The following TRIM55 variants were observed in gnomAD, a reference collection of about 807,000 sequenced individuals.
TRIM55 encodes the protein tripartite motif-containing protein 55.
A neutral mutation model predicts 60.9 loss-of-function variants in TRIM55; 50 were observed. The ratio of observed to expected loss-of-function variants is 0.82; its 90% confidence interval spans 0.65 to 1.04. The LOEUF (loss-of-function observed/expected upper bound fraction) is 1.04. Ranked by LOEUF, TRIM55 falls within the 50% of genes least tolerant of loss-of-function variation. The pLI is 0.00. For missense variants in TRIM55, 681 were observed against 666.9 expected (o/e 1.02, Z -0.23); for synonymous variants, 237 against 238.1 (o/e 1.00, Z 0.04).
intron 1 of TRIM55, 47 bp from the exon 2 acceptor site, chr8:66,128,257 T>A (rs368217551): frequency 4.1e-5 from 62 of 1,509,172 alleles, no homozygotes; most frequent in Non-Finnish European, 5.4e-5. Flanking sequence ...TCAGAGAAGC[T>A]GCTTGTGGCA....
At chr8:66,128,580 ACTGTTTTATGG>A in intron 2 of TRIM55, 104 bp downstream of exon 2, 1 of 1,285,736 alleles carries the variant, frequency 7.8e-7, no homozygotes, top group Admixed American at 2.4e-5. Flanking sequence ...TCAATCACAG[ACTGTTTTATGG>A]AAAAATGGTT....
the TRIM55 span, chr8:66,115,032 C>T: frequency 6.5e-6 from 1 of 154,432 alleles, no homozygotes; most frequent in African/African-American, 2.4e-5. Context: ...GCACAGAACA[C>T]AAAGACTTTT....
intron 4 of TRIM55, among the ~76,000 whole-genome samples, chr8:66,138,993 A>G (rs1294159886): frequency 6.6e-6 from 1 of 152,192 alleles, no homozygotes; most frequent in African/African-American, 2.4e-5. Flanking sequence ...ATTAAAATCA[A>G]TCTCGTTTCT....
chr8:66,164,081 G>A (rs564955756), intron 9 of TRIM55, among the ~76,000 whole-genome samples: 1 of 152,132 alleles, frequency 6.6e-6, no homozygotes, highest in South Asian at 2.1e-4. Context: ...GGTAGAGAGA[G>A]GGTCCTCATT....
Position 66,160,794 on chromosome 8 carries a change from C to G in TRIM55, c.1524+6460C>G, listed in dbSNP as rs561702617. 2.7e-5 allele frequency among the ~76,000 whole-genome samples: 4 copies of G among 150,898 alleles called. No homozygotes were observed. In the East Asian group the frequency reaches 5.8e-4, roughly 22 times the overall value. ...GTGAGGTTGAGCATTTTTCTGTACG[C>G]TTGTTGGCCATTTGTATATCTTCTT... On this transcript the variant is annotated intron_variant, in intron 9 of 9. Transcript: ENST00000315962.
chr8:66,150,599 AATGTGAAGCTCT>A (rs1337932679), intron 7 of TRIM55, 133 bp downstream of exon 7: 2 of 1,011,134 alleles, frequency 2.0e-6, no homozygotes, highest in African/African-American at 3.2e-5. Context: ...GATCATATCC[AATGTGAAGCTCT>A]ATTTCATTAC....
chr8:66,128,431 T>C lies in TRIM55; in HGVS notation c.296T>C (p.Leu99Pro). ...RHGVYGLQRN[L>P]LVENIIDIYK... ...GGGGTATATGGACTTCAGAGGAACC[T>C]GCTGGTGGAAAATATCATTGACATC... The change falls in exon 2 of 10, where the codon CTG (leucine) becomes CCG (proline). Residue 99 changes from leucine to proline, a missense_variant. By Grantham distance (98) the Leu-to-Pro change is moderately conservative (BLOSUM62 -3). Coordinates refer to ENST00000315962, the MANE Select transcript of TRIM55 (RefSeq NM_184085.2). The C allele has an allele frequency of 6.2e-7, 1 of 1,613,862 alleles. No homozygotes were observed. Among genetic ancestry groups the C allele is most frequent in the Non-Finnish European group, 8.5e-7 (1 of 1,179,886 alleles).
At position 66,159,822 on chromosome 8, in the gene TRIM55, T is replaced by G. The variant is rs574550274; in HGVS notation, c.1524+5488T>G. Among the ~76,000 whole-genome samples the G allele has an allele frequency of 4.6e-5, 7 of 152,348 alleles. No homozygotes were observed. The South Asian group carries it at 1.5e-3, about 32-fold the overall frequency. On this transcript the variant is annotated intron_variant, in intron 9 of 9. Transcript: ENST00000315962. ...GGTTAGCACCTTTTCTTGTGCTTAT[T>G]GGTCATCTTTATATTTTCTTTGGTG...
chr8:66,149,990 T>A, intron 5 of TRIM55, 112 bp downstream of exon 5: 1 of 991,058 alleles, frequency 1.0e-6, no homozygotes, highest in Non-Finnish European at 1.5e-6. Flanking sequence ...TTTTACCAAC[T>A]AAAATATAAA....
At chr8:66,122,147 G>A (rs866764787), upstream of TRIM55, among the ~76,000 whole-genome samples, 1 of 152,170 alleles carries the variant, frequency 6.6e-6, no homozygotes, top group South Asian at 2.1e-4. Context: ...ATGTTGGGAA[G>A]GGAAAATAAA....
chr8:66,171,048 A>T (rs1200682470), intron 9 of TRIM55, among the ~76,000 whole-genome samples: 1 of 152,178 alleles, frequency 6.6e-6, no homozygotes, highest in Non-Finnish European at 1.5e-5. Context: ...ACGTTCTGTA[A>T]TGTTTACATA....
chr8:66,130,476 T>C (rs1809074321), intron 2 of TRIM55, among the ~76,000 whole-genome samples: 1 of 150,510 alleles, frequency 6.6e-6, no homozygotes, highest in Non-Finnish European at 1.5e-5. Flanking sequence ...ACCAGAATCT[T>C]GAGCCTCAGG....
intron 2 of TRIM55, 37 bp from the exon 3 acceptor site, chr8:66,134,953 A>T: frequency 6.2e-7 from 1 of 1,609,218 alleles, no homozygotes; most frequent in African/African-American, 1.3e-5. Flanking sequence ...TGCCCCAGTG[A>T]GAGCTGATGG....
At chr8:66,169,323 C>G (rs1273232922) in intron 9 of TRIM55, among the ~76,000 whole-genome samples, 1 of 152,104 alleles carries the variant, frequency 6.6e-6, no homozygotes, top group Non-Finnish European at 1.5e-5. Context: ...AGTTATATTC[C>G]CTATGCTAAG....
At chr8:66,171,072 C>G (rs1228854404) in intron 9 of TRIM55, among the ~76,000 whole-genome samples, 1 of 152,156 alleles carries the variant, frequency 6.6e-6, no homozygotes, top group Non-Finnish European at 1.5e-5. Context: ...ACAAAATCAC[C>G]TAAGGATGCA....
At position 66,150,443 on chromosome 8, in the gene TRIM55, T is replaced by C. The variant is rs769712393; in HGVS notation, c.962T>C (p.Ile321Thr). The C allele has an allele frequency of 1.1e-5, 17 of 1,613,984 alleles. No individual in the cohort carries two copies. The African/African-American group carries it at 1.7e-4, about 16-fold the overall frequency. Residue 321 changes from isoleucine (I) to threonine (T), a missense_variant, in exon 7 of 10, where the codon ATA becomes ACA. Physicochemically the swap from Ile to Thr is moderately conservative, Grantham distance 89. Transcript: ENST00000315962. ...TVNLNREEKIIREIDFYREDE... is the reference protein window; with the variant it reads ...TVNLNREEKITREIDFYREDE... ...AACCTCAATAGAGAAGAAAAGATAA[T>C]ACGTGAAATTGACTTTTACAGAGGT...
intron 2 of TRIM55, among the ~76,000 whole-genome samples, chr8:66,130,994 G>A (rs1809122481): frequency 6.6e-6 from 1 of 151,962 alleles, no homozygotes; most frequent in South Asian, 2.1e-4. Flanking sequence ...ATTCTGCATG[G>A]TGCCAGACTA....
intron 9 of TRIM55, among the ~76,000 whole-genome samples, chr8:66,159,924 T>C (rs1042478306): frequency 1.3e-5 from 2 of 152,230 alleles, no homozygotes; most frequent in Admixed American, 6.5e-5. Context: ...GTGTTCTGGA[T>C]AAAACTTCCT....
At chr8:66,114,318 G>A in the TRIM55 span, among the ~76,000 whole-genome samples, 1 of 152,158 alleles carries the variant, frequency 6.6e-6, no homozygotes, top group East Asian at 1.9e-4. Flanking sequence ...AACTAGAGCT[G>A]AAAAGTCAGA....
Sources: gnomAD v4.1 joint callset for allele counts (sites outside exome capture counted in the v4.1 genomes callset) on GRCh38, gnomAD v4.1.1 for gene constraint, MANE v1.5 for transcripts, NCBI Gene and HGNC (gene_info 2026-07-23, HGNC 2026-07-21) for gene names.